The following KCNH7 variants were observed in gnomAD, a reference collection of about 807,000 sequenced individuals.
The protein encoded by KCNH7 is potassium voltage-gated channel subfamily H member 7, also known as voltage-gated inwardly rectifying potassium channel KCNH7.
In KCNH7, 49 loss-of-function variants were observed where a neutral mutation model predicts 120.8. The ratio of observed to expected loss-of-function variants is 0.41; its 90% CI spans 0.32 to 0.51. The LOEUF (loss-of-function observed/expected upper bound fraction) is 0.51. KCNH7 is among the 20% of genes least tolerant of loss of function. The pLI, the probability that KCNH7 is intolerant of heterozygous loss-of-function variation, is 0.38. For synonymous variants in KCNH7, 547 were observed against 516.1 expected (o/e 1.06, Z -0.81); for missense variants, 1,097 against 1,446.6 (o/e 0.76, Z 3.92).
chr2:162,749,227 T>G (rs1191443050), intron 2 of KCNH7, among the ~76,000 whole-genome samples: 1 of 150,568 alleles, frequency 6.6e-6, no homozygotes, highest in African/African-American at 2.5e-5. Context: ...TGCTCTTTCT[T>G]TTGACTGGAG....
chr2:162,732,231 A>C (rs149635526), intron 2 of KCNH7, among the ~76,000 whole-genome samples: 170 of 152,212 alleles, frequency 1.1e-3, no homozygotes, highest in African/African-American at 4.0e-3. Flanking sequence ...TCCTGAGCTG[A>C]TATTAGTAGT....
At chr2:162,439,069 A>T (rs1688343427) in intron 7 of KCNH7, among the ~76,000 whole-genome samples, 1 of 152,078 alleles carries the variant, frequency 6.6e-6, no homozygotes, top group Non-Finnish European at 1.5e-5. Context: ...ACTGAGTATA[A>T]TTGTTTTCAG....
chr2:162,463,289 A>T (rs947108139), intron 6 of KCNH7, among the ~76,000 whole-genome samples: 4 of 151,956 alleles, frequency 2.6e-5, no homozygotes, highest in Non-Finnish European at 5.9e-5. Context: ...TGTCTTCCAC[A>T]CAGTCAGGTA....
intron 2 of KCNH7, among the ~76,000 whole-genome samples, chr2:162,792,385 A>C (rs1274479410): frequency 6.6e-6 from 1 of 152,106 alleles, no homozygotes; most frequent in Non-Finnish European, 1.5e-5. Flanking sequence ...TACATCTGGC[A>C]GAATTCATTT....
chr2:162,613,247 T>C (rs2105975350), intron 2 of KCNH7, among the ~76,000 whole-genome samples: 2 of 152,028 alleles, frequency 1.3e-5, no homozygotes, highest in Admixed American at 1.3e-4. Context: ...AGGTAGATTT[T>C]CTCCAAAAGA....
Position 162,459,101 on chromosome 2 carries a change from T to C in KCNH7, c.1129-12658A>G, listed in dbSNP as rs79356566. Among the ~76,000 whole-genome samples, 582 of 150,918 alleles carry C rather than the reference T, an allele frequency of 3.9e-3. 21 individuals are homozygous for C. In the East Asian group the frequency reaches 0.1, roughly 26 times the overall value. On this transcript the variant is annotated intron_variant, in intron 6 of 15. Transcript: ENST00000332142. ...GTTGTTGGAGCTAGAGATTTTAAAC[T>C]TGCAGAAGCAACGGCTGAAGATCTG...
At chr2:162,700,804 T>C (rs1686468181) in intron 2 of KCNH7, among the ~76,000 whole-genome samples, 1 of 152,232 alleles carries the variant, frequency 6.6e-6, no homozygotes, top group Admixed American at 6.6e-5. Context: ...AATTGGAAGA[T>C]TGTTGCTCAT....
intron 2 of KCNH7, among the ~76,000 whole-genome samples, chr2:162,635,663 T>C (rs1042483859): frequency 6.6e-6 from 1 of 152,126 alleles, no homozygotes; most frequent in African/African-American, 2.4e-5. Context: ...CTCTTCTTTG[T>C]CTTTGTTGCC....
At chr2:162,779,575 G>A (rs1214450960) in intron 2 of KCNH7, among the ~76,000 whole-genome samples, 3 of 152,088 alleles carry the variant, frequency 2.0e-5, no homozygotes, top group Non-Finnish European at 2.9e-5. Context: ...GAGCTAAGTT[G>A]TTATATGTAC....
At chr2:162,397,458 G>T (rs1488549627) in intron 10 of KCNH7, among the ~76,000 whole-genome samples, 2 of 151,676 alleles carry the variant, frequency 1.3e-5, no homozygotes, top group African/African-American at 2.4e-5. Context: ...TTTTGAATCT[G>T]CCCTTAAAAA....
At chr2:162,566,771 G>A (rs1574110216) in intron 2 of KCNH7, among the ~76,000 whole-genome samples, 1 of 151,954 alleles carries the variant, frequency 6.6e-6, no homozygotes, top group East Asian at 1.9e-4. Context: ...ATCAAGATTT[G>A]TAAATAGCTA....
intron 2 of KCNH7, among the ~76,000 whole-genome samples, chr2:162,670,603 T>C (rs1685315719): frequency 1.3e-5 from 2 of 151,904 alleles, no homozygotes; most frequent in Non-Finnish European, 2.9e-5. Flanking sequence ...CCTGTTATTG[T>C]TAAGGAAGCA....
intron 2 of KCNH7, among the ~76,000 whole-genome samples, chr2:162,717,112 A>G (rs553396521): frequency 2.2e-4 from 33 of 152,286 alleles, no homozygotes; most frequent in Non-Finnish European, 4.4e-5. Flanking sequence ...AGGTAGAACT[A>G]AAAGGTTAAA....
chr2:162,578,375 T>C (rs1693757903), intron 2 of KCNH7, among the ~76,000 whole-genome samples: 1 of 152,038 alleles, frequency 6.6e-6, no homozygotes, highest in African/African-American at 2.4e-5. Context: ...ATAATGTCAG[T>C]CCTTATCATG....
At chr2:162,753,031 A>G (rs305695) in intron 2 of KCNH7, among the ~76,000 whole-genome samples, 3 of 127,766 alleles carry the variant, frequency 2.3e-5, no homozygotes, top group Non-Finnish European at 4.8e-5. Context: ...AAGAAAAGAA[A>G]CCCTGACTAA....
chr2:162,692,131 T>G (rs1686133660), intron 2 of KCNH7, among the ~76,000 whole-genome samples: 1 of 151,974 alleles, frequency 6.6e-6, no homozygotes, highest in Non-Finnish European at 1.5e-5. Flanking sequence ...TGAGTTTTTT[T>G]TTTTTTTGGA....
At chr2:162,773,637 T>C (rs1472017750) in intron 2 of KCNH7, among the ~76,000 whole-genome samples, 1 of 151,766 alleles carries the variant, frequency 6.6e-6, no homozygotes, top group East Asian at 1.9e-4. Context: ...AACAAAAACC[T>C]ACAAAAGCAA....
chr2:162,668,640 A>T (rs186438160), intron 2 of KCNH7, among the ~76,000 whole-genome samples: 156 of 152,200 alleles, frequency 1.0e-3, no homozygotes, highest in African/African-American at 3.7e-3. Flanking sequence ...AAGGGCTCAT[A>T]ATGTTCTCCT....
chr2:162,507,385 A>T (rs888014920), intron 5 of KCNH7, among the ~76,000 whole-genome samples: 3 of 151,696 alleles, frequency 2.0e-5, no homozygotes, highest in Non-Finnish European at 3.0e-5. Context: ...TGTATGTAAA[A>T]TGATATCATA....
Sources: allele counts gnomAD v4.1 joint callset (sites outside exome capture counted in the v4.1 genomes callset), GRCh38; gene constraint gnomAD v4.1.1; transcripts MANE v1.5; gene names NCBI Gene and HGNC (gene_info 2026-07-23, HGNC 2026-07-21).